Variants in NXN observed in about 807,000 individuals in gnomAD.
The protein encoded by NXN is nucleoredoxin 1.
A neutral mutation model predicts 48.6 loss-of-function variants in NXN; 16 were observed. The observed-to-expected ratio is 0.33, with a 90% CI of 0.22 to 0.50. NXN has a LOEUF of 0.50. NXN is among the 20% of genes least tolerant of loss of function. The pLI is 0.98. For missense variants in NXN, 492 were observed against 605.5 expected, an observed-to-expected ratio of 0.81 and a Z score of 1.97; for synonymous variants, 281 against 269.6, an observed-to-expected ratio of 1.04 and a Z score of -0.41.
intron 1 of NXN, among the ~76,000 whole-genome samples, chr17:973,436 T>C (rs1396960944): frequency 6.6e-6 from 1 of 152,150 alleles, no homozygotes; most frequent in Non-Finnish European, 1.5e-5. Context: ...TGTGCGTAAT[T>C]TCTCTCAAGA....
chr17:930,450 A>C (rs2068841772), intron 1 of NXN: 1 of 152,052 alleles, frequency 6.6e-6, no homozygotes, highest in Non-Finnish European at 1.5e-5. Context: ...AGAAAAAAAA[A>C]TACCACTTGA....
chr17:971,941 G>A (rs375249920), intron 1 of NXN, among the ~76,000 whole-genome samples: 3 of 152,188 alleles, frequency 2.0e-5, no homozygotes, highest in South Asian at 4.2e-4. Context: ...CGAGGCGGGT[G>A]GATCACCTGA....
intron 1 of NXN, among the ~76,000 whole-genome samples, chr17:937,481 A>G (rs2068920018): frequency 6.6e-6 from 1 of 152,150 alleles, no homozygotes; most frequent in South Asian, 2.1e-4. Context: ...GCTTCAGGGA[A>G]AACAGGTGGG....
At position 962,739 on chromosome 17, in the gene NXN, C is replaced by T. The variant is rs574404076; in HGVS notation, c.360+16580G>A. Among the ~76,000 whole-genome samples, 23 of 152,290 alleles carry T rather than the reference C, an allele frequency of 1.5e-4. 1 individual carries two copies. Among genetic ancestry groups the T allele is most frequent in the South Asian group, 4.1e-4 (2 of 4,826 alleles). On this transcript the variant is annotated intron_variant, in intron 1 of 7. Coordinates refer to ENST00000336868, the MANE Select transcript of NXN (RefSeq NM_022463.5). ...CACAGCATAATAGAAGTGCCCGGCACGGAGAAGGCTTTTGTCCCCATATAC... is the reference window on the plus strand; with the variant it reads ...CACAGCATAATAGAAGTGCCCGGCATGGAGAAGGCTTTTGTCCCCATATAC...
chr17:822,729 G>T lies in NXN; in HGVS notation c.613-272C>A, dbSNP rs533625415. On this transcript the variant is annotated intron_variant, in intron 3 of 7. Transcript: ENST00000336868. Reference sequence around the variant, plus strand: ...AAATAAACTTGCCTCTCTTAATGGTGGGCATCTGGCACAAGCACCCGCATT... The same window carrying T: ...AAATAAACTTGCCTCTCTTAATGGTTGGCATCTGGCACAAGCACCCGCATT... Among the ~76,000 whole-genome samples, 28 of 152,236 alleles carry T rather than the reference G, an allele frequency of 1.8e-4. 1 individual carries two copies. In the Middle Eastern group the frequency reaches 0.038, roughly 205 times the overall value.
intron 1 of NXN, among the ~76,000 whole-genome samples, chr17:914,694 CCA>C (rs1803573269): frequency 6.6e-6 from 1 of 152,142 alleles, no homozygotes; most frequent in African/African-American, 2.4e-5. Context: ...TTCAAAGAGT[CCA>C]CAGTCCATTG....
At chr17:966,819 A>G (rs1256735577) in intron 1 of NXN, among the ~76,000 whole-genome samples, 2 of 113,264 alleles carry the variant, frequency 1.8e-5, no homozygotes, top group South Asian at 3.2e-4. Context: ...GGGGTGGGGC[A>G]GACAATCTTG....
At chr17:844,048 G>GC (rs759505705) in intron 1 of NXN, among the ~76,000 whole-genome samples, 8 of 147,974 alleles carry the variant, frequency 5.4e-5, no homozygotes, top group Non-Finnish European at 1.2e-4. Flanking sequence ...GTCCCGTCCC[G>GC]CCCCTCCTTA....
At chr17:937,840 T>C (rs1385686784) in intron 1 of NXN, among the ~76,000 whole-genome samples, 1 of 152,226 alleles carries the variant, frequency 6.6e-6, no homozygotes, top group Non-Finnish European at 1.5e-5. Flanking sequence ...TTCGTTTCAG[T>C]TTTAGTTTAA....
intron 1 of NXN, among the ~76,000 whole-genome samples, chr17:846,146 T>C (rs1236594666): frequency 6.6e-6 from 1 of 151,814 alleles, no homozygotes; most frequent in Non-Finnish European, 1.5e-5. Context: ...TTTAAGGAAA[T>C]TGCCAGGCAC....
At chr17:936,090 T>TGAAA (rs2068904608) in intron 1 of NXN, among the ~76,000 whole-genome samples, 1 of 50,240 alleles carries the variant, frequency 2.0e-5, no homozygotes, top group Non-Finnish European at 3.5e-5. Context: ...AGATTCCATC[T>TGAAA]CAAAAAAAAA....
rs1458582332 is a variant in NXN at position 841,623 on chromosome 17, C to T, written c.361-15545G>A. Among the ~76,000 whole-genome samples, 7 of 125,156 alleles carry T rather than the reference C, an allele frequency of 5.6e-5. 1 individual carries two copies. The highest frequency in any genetic ancestry group is 4.8e-4 in the East Asian group (2 of 4,142). The allele number at this position is 125,156 out of a possible 152,430, so 82.1% of individuals were successfully genotyped here. ...CCCCCCGACCACAGAGCATCTCACA[C>T]GGGCAAGCAGGTCCACCCTGACCAC... On this transcript the variant is annotated intron_variant, in intron 1 of 7. Transcript: ENST00000336868.
At chr17:950,727 C>T (rs1455300724) in intron 1 of NXN, among the ~76,000 whole-genome samples, 2 of 152,064 alleles carry the variant, frequency 1.3e-5, no homozygotes, top group Non-Finnish European at 2.9e-5. Context: ...TCAGAGGATG[C>T]CACCGAGTGG....
intron 1 of NXN, among the ~76,000 whole-genome samples, chr17:899,576 A>T (rs980287510): frequency 6.6e-6 from 1 of 152,230 alleles, no homozygotes; most frequent in Non-Finnish European, 1.5e-5. Flanking sequence ...TCATGATTAT[A>T]TCGTCAGGAA....
intron 1 of NXN, among the ~76,000 whole-genome samples, chr17:836,598 G>A (rs963615594): frequency 1.3e-5 from 2 of 152,222 alleles, no homozygotes; most frequent in Middle Eastern, 3.4e-3. Flanking sequence ...CACAGGTTCC[G>A]GCTCCAGAGC....
intron 1 of NXN, among the ~76,000 whole-genome samples, chr17:886,503 G>A (rs1034690533): frequency 6.6e-6 from 1 of 152,192 alleles, no homozygotes; most frequent in East Asian, 1.9e-4. Flanking sequence ...GTTGGCCGGC[G>A]CGGTGGCTCA....
chr17:976,901 G>A (rs1420986073), intron 1 of NXN, among the ~76,000 whole-genome samples: 1 of 152,016 alleles, frequency 6.6e-6, no homozygotes, highest in Non-Finnish European at 1.5e-5. Context: ...CTAGTAGCTG[G>A]GACTAGAGGC....
intron 1 of NXN, among the ~76,000 whole-genome samples, chr17:966,401 G>A (rs969899284): frequency 2.6e-5 from 4 of 151,986 alleles, no homozygotes; most frequent in African/African-American, 4.8e-5. Context: ...AGGCCGGAGC[G>A]CAGTGGCACG....
At chr17:924,590 C>T (rs919128990) in intron 1 of NXN, among the ~76,000 whole-genome samples, 1 of 152,210 alleles carries the variant, frequency 6.6e-6, no homozygotes, top group African/African-American at 2.4e-5. Context: ...TGTCCTATTT[C>T]AAGTGTGTTC....
Sources: allele counts gnomAD v4.1 joint callset (sites outside exome capture counted in the v4.1 genomes callset), GRCh38; gene constraint gnomAD v4.1.1; transcripts MANE v1.5; gene names NCBI Gene and HGNC (gene_info 2026-07-23, HGNC 2026-07-21).